GTF2I: variants seen among roughly 807,000 people sequenced by gnomAD.
GTF2I encodes general transcription factor IIi.
In GTF2I, 12 loss-of-function variants were observed where a neutral mutation model predicts 67.6. That is an observed-to-expected ratio of 0.18 (90% CI 0.11 to 0.29). GTF2I has a LOEUF of 0.29. Ranked by LOEUF, GTF2I falls within the 10% of genes least tolerant of loss-of-function variation. The pLI, the probability that GTF2I is intolerant of heterozygous loss-of-function variation, is 1.00. For synonymous variants in GTF2I, 149 were observed against 197.0 expected (o/e 0.76, Z 2.04); for missense variants, 271 against 580.1 (o/e 0.47, Z 5.47).
chr7:74,726,365 G>A (rs1387627519), intron 12 of GTF2I: 3 of 152,182 alleles, frequency 2.0e-5, no homozygotes, highest in East Asian at 1.9e-4. Context: ...TTGGAAAATC[G>A]GGTTTTTTAA....
chr7:74,702,976 A>G (rs1482669235), intron 6 of GTF2I, among the ~76,000 whole-genome samples: 1 of 151,896 alleles, frequency 6.6e-6, no homozygotes, highest in African/African-American at 2.4e-5. Context: ...AGCTCAAGTG[A>G]TCCGCCTGTG....
At chr7:74,718,568 G>C (rs1554404020) in intron 11 of GTF2I, among the ~76,000 whole-genome samples, 1 of 152,202 alleles carries the variant, frequency 6.6e-6, no homozygotes, top group East Asian at 1.9e-4. Context: ...GCATCTTCTA[G>C]CTGTGGCAGG....
intron 1 of GTF2I, among the ~76,000 whole-genome samples, chr7:74,671,177 C>T (rs1443477370): frequency 6.7e-6 from 1 of 150,332 alleles, no homozygotes; most frequent in Non-Finnish European, 1.5e-5. Flanking sequence ...ACCTCAGCCT[C>T]CTAGGTTCAA....
chr7:74,711,885 A>G (rs1343717571), intron 9 of GTF2I, among the ~76,000 whole-genome samples: 1 of 151,458 alleles, frequency 6.6e-6, no homozygotes, highest in Non-Finnish European at 1.5e-5. Context: ...TGGGGCCATT[A>G]CAAATAGAGG....
intron 12 of GTF2I, among the ~76,000 whole-genome samples, chr7:74,726,207 A>T (rs1317726500): frequency 6.6e-6 from 1 of 152,214 alleles, no homozygotes; most frequent in Non-Finnish European, 1.5e-5. Flanking sequence ...TTTAGAAGTT[A>T]CTGCTTAATG....
chr7:74,680,474 C>T (rs963665681), intron 1 of GTF2I, among the ~76,000 whole-genome samples: 22 of 151,966 alleles, frequency 1.4e-4, no homozygotes, highest in Middle Eastern at 3.4e-3. Flanking sequence ...GGTGCAGTGG[C>T]TTATGCTTTT....
chr7:74,660,083 C>T (rs984592092), intron 1 of GTF2I, among the ~76,000 whole-genome samples: 8 of 152,074 alleles, frequency 5.3e-5, no homozygotes, highest in African/African-American at 1.9e-4. Context: ...TTTCGTTTCT[C>T]CTCCTCCTTG....
chr7:74,674,873 A>G (rs1354318647), intron 1 of GTF2I, among the ~76,000 whole-genome samples: 2 of 146,664 alleles, frequency 1.4e-5, no homozygotes, highest in Non-Finnish European at 3.0e-5. Flanking sequence ...TATTTTTTTG[A>G]GACGGAGTTT....
rs2131417308 is a variant in GTF2I, at chr7:74,714,771, A to C, written c.764-86A>C. On this transcript the variant is annotated intron_variant, in intron 9 of 34. Coordinates refer to ENST00000573035, the MANE Select transcript of GTF2I (RefSeq NM_032999.4). ...TATTTATAAAAAGGCCATTCCATGT[A>C]TCTCACCCAAATTTGTTGACTAAAG... 3 of 719,246 alleles carry C rather than the reference A, an allele frequency of 4.2e-6. No individual in the cohort carries two copies. The East Asian group carries it at 8.6e-5, about 21-fold the overall frequency. 44.6% of individuals were successfully genotyped at this position (719,246 alleles called of 1,614,324 possible).
intron 1 of GTF2I, among the ~76,000 whole-genome samples, chr7:74,672,969 T>C (rs947545505): frequency 1.1e-4 from 17 of 152,114 alleles, no homozygotes; most frequent in Non-Finnish European, 2.1e-4. Flanking sequence ...CAAGCGATTC[T>C]CCTGCCTCAG....
chr7:74,725,718 A>G (rs1287199308), intron 12 of GTF2I, among the ~76,000 whole-genome samples: 1 of 152,092 alleles, frequency 6.6e-6, no homozygotes, highest in Non-Finnish European at 1.5e-5. Flanking sequence ...ATATATGTTC[A>G]CATTTAACAG....
chr7:74,706,288 T>G, intron 7 of GTF2I, 102 bp from the exon 8 acceptor site: 1 of 911,600 alleles, frequency 1.1e-6, no homozygotes, highest in South Asian at 1.4e-5. Flanking sequence ...CCCACCTTGG[T>G]CAAGGGAGGG....
chr7:74,705,975 CAG>C (rs1790619486), intron 7 of GTF2I, among the ~76,000 whole-genome samples: 2 of 151,714 alleles, frequency 1.3e-5, no homozygotes, highest in Non-Finnish European at 1.5e-5. Context: ...TTTGTGGAGA[CAG>C]AGTCTCCCTC....
At chr7:74,702,142 G>A (rs1789862388) in intron 6 of GTF2I, among the ~76,000 whole-genome samples, 1 of 152,076 alleles carries the variant, frequency 6.6e-6, no homozygotes. Flanking sequence ...ACTTGAGCAA[G>A]GTTTTGTCTG....
chr7:74,680,114 A>ATATATATATATATATATATATG (rs1339021361), intron 1 of GTF2I, among the ~76,000 whole-genome samples: 29 of 121,444 alleles, frequency 2.4e-4, no homozygotes, highest in African/African-American at 9.1e-4. Flanking sequence ...ATATATATAT[A>ATATATATATATATATATATATG]TATGTATGTA....
At chr7:74,731,233 T>C (rs1554406648) in intron 14 of GTF2I, among the ~76,000 whole-genome samples, 1 of 144,518 alleles carries the variant, frequency 6.9e-6, no homozygotes, top group Non-Finnish European at 1.5e-5. Flanking sequence ...TGGATGACTA[T>C]TTACTTTGCC....
chr7:74,713,553 TCA>T (rs1410379109), intron 9 of GTF2I, among the ~76,000 whole-genome samples: 1 of 152,192 alleles, frequency 6.6e-6, no homozygotes, highest in East Asian at 1.9e-4. Context: ...GTATACTTGT[TCA>T]CAGTCTTAAT....
rs187116284 is a variant in GTF2I at position 74,722,444 on chromosome 7, A to G, written c.943+3503A>G. Among the ~76,000 whole-genome samples, 51 of 152,222 alleles carry G rather than the reference A, an allele frequency of 3.4e-4. No individual in the cohort carries two copies. In the East Asian group the frequency reaches 9.5e-3, roughly 28 times the overall value. On this transcript the variant is annotated intron_variant, in intron 12 of 34. Coordinates refer to ENST00000573035, the MANE Select transcript of GTF2I (RefSeq NM_032999.4). ...GAGAAAACCTTATCAGACTTGTTTCAGGTCTAGCTGTCATGGGAGTGCTAA... is the reference window on the plus strand; with the variant it reads ...GAGAAAACCTTATCAGACTTGTTTCGGGTCTAGCTGTCATGGGAGTGCTAA...
chr7:74,704,826 A>T (rs587700310), intron 6 of GTF2I, among the ~76,000 whole-genome samples: 15 of 141,742 alleles, frequency 1.1e-4, no homozygotes, highest in African/African-American at 2.9e-4. Context: ...CTGCACACCA[A>T]CCTGGGCAAC....
Sources: allele counts gnomAD v4.1 joint callset (sites outside exome capture counted in the v4.1 genomes callset), GRCh38; gene constraint gnomAD v4.1.1; transcripts MANE v1.5; gene names NCBI Gene and HGNC (gene_info 2026-07-23, HGNC 2026-07-21).